The following PTCSC3 variants were observed in gnomAD, a reference collection of about 807,000 sequenced individuals.
PTCSC3 encodes the protein papillary thyroid carcinoma susceptibility candidate 3.
At chr14:36,141,334 A>G (rs1459163458) in intron 3 of PTCSC3, among the ~76,000 whole-genome samples, 4 of 152,166 alleles carry the variant, frequency 2.6e-5, no homozygotes, top group Admixed American at 2.0e-4. Context: ...GATAACTGAC[A>G]TCTTGACAAT....
Position 36,173,290 on chromosome 14 carries a change from G to A in PTCSC3, n.171+3008C>T, listed in dbSNP as rs79715536. On this transcript the variant is annotated intron_variant and non_coding_transcript_variant, in intron 1 of 3. Coordinates refer to ENST00000556013, the Ensembl canonical transcript of PTCSC3. The stretch of plus-strand genomic sequence containing the variant: ...TAAAAAATGTACAGAGATGGGTAGT[G>A]TAAAACTCTACACATATTAGATGAG... Among the ~76,000 whole-genome samples, 917 of 152,182 alleles carry A rather than the reference G, an allele frequency of 6.0e-3. 2 individuals carry two copies. Among genetic ancestry groups the A allele is most frequent in the Admixed American group, 0.012 (186 of 15,270 alleles).
At chr14:36,159,058 T>C (rs1452006096) in intron 2 of PTCSC3, among the ~76,000 whole-genome samples, 1 of 139,794 alleles carries the variant, frequency 7.2e-6, no homozygotes, top group African/African-American at 2.5e-5. Context: ...TTTAAAGTAT[T>C]CTCTGATGGT....
At chr14:36,170,999 A>C (rs1314479726) in intron 1 of PTCSC3, among the ~76,000 whole-genome samples, 1 of 152,180 alleles carries the variant, frequency 6.6e-6, no homozygotes, top group Admixed American at 6.5e-5. Context: ...CTGCTACTGT[A>C]ATTTTTGTAG....
chr14:36,152,153 T>C (rs913424946), intron 3 of PTCSC3, among the ~76,000 whole-genome samples: 2 of 152,022 alleles, frequency 1.3e-5, no homozygotes, highest in Non-Finnish European at 2.9e-5. Flanking sequence ...AAAGGTAAAA[T>C]AGTAGAATTT....
intron 2 of PTCSC3, among the ~76,000 whole-genome samples, chr14:36,156,140 T>C (rs1407257346): frequency 6.6e-6 from 1 of 152,206 alleles, no homozygotes; most frequent in Non-Finnish European, 1.5e-5. Context: ...TTCTGCCTGG[T>C]AAGTTTTTGT....
At chr14:36,150,548 ATTG>A in intron 3 of PTCSC3, among the ~76,000 whole-genome samples, 1 of 152,216 alleles carries the variant, frequency 6.6e-6, no homozygotes, top group Admixed American at 6.5e-5. Context: ...TAAAGTGATT[ATTG>A]ATACAGTTGA....
chr14:36,148,227 C>T (rs1881633528), intron 3 of PTCSC3, among the ~76,000 whole-genome samples: 4 of 152,254 alleles, frequency 2.6e-5, no homozygotes, highest in African/African-American at 4.8e-5. Context: ...TTTACCTAAG[C>T]AAGCCTGGGC....
At chr14:36,138,748 C>T (rs1000122480) in intron 3 of PTCSC3, among the ~76,000 whole-genome samples, 5 of 152,144 alleles carry the variant, frequency 3.3e-5, no homozygotes, top group Admixed American at 6.5e-5. Flanking sequence ...CTTTGAAAAA[C>T]AATTTGGCAG....
intron 3 of PTCSC3, among the ~76,000 whole-genome samples, chr14:36,145,778 T>C (rs1881549552): frequency 6.7e-6 from 1 of 148,222 alleles, no homozygotes; most frequent in African/African-American, 2.5e-5. Flanking sequence ...GGATCTTTCC[T>C]GCTTTCTCTT....
intron 2 of PTCSC3, among the ~76,000 whole-genome samples, chr14:36,155,040 AAGGT>A (rs1262065252): frequency 6.6e-6 from 1 of 152,168 alleles, no homozygotes; most frequent in Non-Finnish European, 1.5e-5. Flanking sequence ...TTTCTCCTTT[AAGGT>A]GAGTTTTCAT....
At chr14:36,173,168 A>G (rs1882219442) in intron 1 of PTCSC3, among the ~76,000 whole-genome samples, 1 of 152,182 alleles carries the variant, frequency 6.6e-6, no homozygotes, top group African/African-American at 2.4e-5. Context: ...TCAAATCTGA[A>G]TACATATTAC....
At chr14:36,171,663 A>C (rs1345978810) in intron 1 of PTCSC3, among the ~76,000 whole-genome samples, 1 of 152,166 alleles carries the variant, frequency 6.6e-6, no homozygotes, top group Non-Finnish European at 1.5e-5. Flanking sequence ...ATAGGGAAAA[A>C]ATCAGTTTCA....
At chr14:36,164,521 C>G (rs547285803) in intron 1 of PTCSC3, among the ~76,000 whole-genome samples, 16 of 152,172 alleles carry the variant, frequency 1.1e-4, no homozygotes, top group Middle Eastern at 3.4e-3. Flanking sequence ...ACCAGTCATT[C>G]TTTTCATCAT....
intron 1 of PTCSC3, among the ~76,000 whole-genome samples, chr14:36,170,032 G>A (rs144416118): frequency 6.6e-6 from 1 of 152,272 alleles, no homozygotes; most frequent in African/African-American, 2.4e-5. Context: ...GAAATGGGCA[G>A]TGTTCTTTGA....
intron 1 of PTCSC3, among the ~76,000 whole-genome samples, chr14:36,171,582 A>G (rs1594457856): frequency 6.6e-6 from 1 of 152,158 alleles, no homozygotes; most frequent in African/African-American, 2.4e-5. Flanking sequence ...TCAAATACCT[A>G]TGGATGGTAG....
intron 3 of PTCSC3, among the ~76,000 whole-genome samples, chr14:36,143,995 T>C (rs565733856): frequency 2.4e-4 from 36 of 152,334 alleles, no homozygotes; most frequent in African/African-American, 7.9e-4. Context: ...TTCTGAGGGC[T>C]CTGTTCTGTT....
intron 1 of PTCSC3, among the ~76,000 whole-genome samples, chr14:36,170,741 T>A (rs1225112497): frequency 6.6e-6 from 1 of 152,096 alleles, no homozygotes; most frequent in South Asian, 2.1e-4. Context: ...AGGTTGCCAA[T>A]GTCTAGTGTG....
downstream of PTCSC3, among the ~76,000 whole-genome samples, chr14:36,135,741 C>CT (rs1227093073): frequency 1.3e-5 from 2 of 152,084 alleles, no homozygotes; most frequent in Non-Finnish European, 2.9e-5. Context: ...ATTAGGAAGT[C>CT]TTTTAAAAAG....
At chr14:36,147,082 A>T (rs531078797) in intron 3 of PTCSC3, among the ~76,000 whole-genome samples, 21 of 152,142 alleles carry the variant, frequency 1.4e-4, no homozygotes, top group African/African-American at 5.1e-4. Flanking sequence ...CTTTCTCTCT[A>T]GCTGCCCTTA....
Sources: allele counts gnomAD v4.1 joint callset (sites outside exome capture counted in the v4.1 genomes callset), GRCh38; gene constraint gnomAD v4.1.1; transcripts MANE v1.5; gene names NCBI Gene and HGNC (gene_info 2026-07-23, HGNC 2026-07-21).